CDKL5: variants seen among roughly 807,000 people sequenced by gnomAD.
The protein encoded by CDKL5 is cyclin dependent kinase like 5, also known as cyclin-dependent kinase-like 5.
CDKL5 carries 8 observed loss-of-function variants against 61.7 expected under a neutral mutation model. The observed-to-expected ratio is 0.13, with a 90% CI of 0.08 to 0.23. The LOEUF is 0.23. CDKL5 is among the 10% of genes least tolerant of loss of function. The pLI is 1.00. For missense variants in CDKL5, 440 were observed against 734.5 expected (o/e 0.60, Z 4.63); for synonymous variants, 275 against 272.3 (o/e 1.01, Z -0.10).
rs761152294 is a variant in CDKL5 at position 18,590,158 on chromosome X, A to C, written c.744+2015A>C. Among the ~76,000 whole-genome samples the C allele has an allele frequency of 7.2e-5, 8 of 111,216 alleles. No individual in the cohort carries two copies. In the South Asian group the frequency reaches 2.3e-3, roughly 32 times the overall value. ...TTAGTTTAATTAGATCCCATTTGTC[A>C]ATTTTGGCTTTTGTTGCCATTGCTT... is the stretch of plus-strand genomic sequence containing the variant. On this transcript the variant is annotated intron_variant, in intron 9 of 17. Transcript: ENST00000623535.
intron 3 of CDKL5, among the ~76,000 whole-genome samples, chrX:18,543,541 A>G (rs895018613): frequency 2.7e-5 from 3 of 111,253 alleles, no homozygotes; most frequent in Non-Finnish European, 5.7e-5. Flanking sequence ...GACCAGAATG[A>G]GAAGTCTGTG....
chrX:18,609,711 C>T, intron 14 of CDKL5, 141 bp downstream of exon 14: 6 of 1,049,502 alleles, frequency 5.7e-6, no homozygotes, highest in Middle Eastern at 3.8e-4. Flanking sequence ...TCTGCTCCTG[C>T]TAAGTCAGGC....
chrX:18,444,641 A>T (rs1335481676), intron 1 of CDKL5, among the ~76,000 whole-genome samples: 1 of 112,215 alleles, frequency 8.9e-6, no homozygotes, highest in Non-Finnish European at 1.9e-5. Context: ...AAATTTAAGA[A>T]TTTCTGTTAC....
At chrX:18,565,458 CAG>C (rs759620259) in intron 4 of CDKL5, among the ~76,000 whole-genome samples, 5 of 112,063 alleles carry the variant, frequency 4.5e-5, no homozygotes, top group African/African-American at 1.6e-4. Context: ...ACTAGTAAGT[CAG>C]AGCCTGCTAT....
intron 3 of CDKL5, among the ~76,000 whole-genome samples, chrX:18,525,775 C>T (rs1195015091): frequency 9.6e-4 from 89 of 92,560 alleles, no homozygotes; most frequent in African/African-American, 3.4e-3. Flanking sequence ...TAATTGGAGT[C>T]TCACTCTGTT....
At chrX:18,447,855 CTTTT>C (rs1397529973) in intron 1 of CDKL5, among the ~76,000 whole-genome samples, 3 of 102,367 alleles carry the variant, frequency 2.9e-5, no homozygotes, top group African/African-American at 1.1e-4. Context: ...TTTTTTTTTT[CTTTT>C]TGAGACAGGG....
chrX:18,515,823 G>C (rs1344185154), intron 3 of CDKL5, among the ~76,000 whole-genome samples: 1 of 111,377 alleles, frequency 9.0e-6, no homozygotes, highest in African/African-American at 3.3e-5. Context: ...TACACATGAG[G>C]AGACTGAGTC....
rs1233319916 is a variant in CDKL5 at position 18,636,250 on chromosome X, C to G, written c.*7493C>G. ...CCTGTGCTTTCAACTATAATCTTAC[C>G]AAGACTGAATGAAAGTATTTGGTGC... On this transcript the variant is annotated 3_prime_UTR_variant, in exon 18 of 18. Transcript: ENST00000623535. The G allele has an allele frequency of 9.1e-6, 1 of 110,294 alleles. No homozygotes were observed. Among genetic ancestry groups the G allele is most frequent in the Admixed American group, 9.7e-5 (1 of 10,281 alleles). 9.1% of individuals were successfully genotyped at this position (110,294 alleles called of 1,213,427 possible).
At chrX:18,596,102 T>G (rs1285411367) in intron 10 of CDKL5, among the ~76,000 whole-genome samples, 2 of 112,340 alleles carry the variant, frequency 1.8e-5, no homozygotes, top group Non-Finnish European at 3.8e-5. Context: ...AAGCAAGTGT[T>G]GGTTGTTTGA....
intron 3 of CDKL5, among the ~76,000 whole-genome samples, chrX:18,547,507 C>CA (rs766556045): frequency 2.8e-4 from 31 of 112,441 alleles, no homozygotes; most frequent in Non-Finnish European, 4.1e-4. Flanking sequence ...TTCTTGACAT[C>CA]AAGTAACCAG....
chrX:18,580,810 G>A (rs1925454745), intron 6 of CDKL5, among the ~76,000 whole-genome samples: 1 of 111,896 alleles, frequency 8.9e-6, no homozygotes, highest in Non-Finnish European at 1.9e-5. Flanking sequence ...AAATGCACAA[G>A]GATATCACTT....
intron 3 of CDKL5, among the ~76,000 whole-genome samples, chrX:18,511,521 C>T (rs1032350126): frequency 9.0e-6 from 1 of 111,025 alleles, no homozygotes; most frequent in African/African-American, 3.3e-5. Flanking sequence ...TTTTCAGATA[C>T]ACAAATACTT....
rs912947852 is a variant in CDKL5 at position 18,639,859 on chromosome X, C to T, written c.*11102C>T. The T allele has an allele frequency of 3.6e-5, 4 of 111,808 alleles. No individual in the cohort carries two copies. The highest frequency in any genetic ancestry group is 7.5e-5 in the Non-Finnish European group (4 of 53,185). 9.2% of individuals were successfully genotyped at this position (111,808 alleles called of 1,213,427 possible). On this transcript the variant is annotated 3_prime_UTR_variant, in exon 18 of 18. Coordinates refer to ENST00000623535, the MANE Select transcript of CDKL5 (RefSeq NM_001323289.2). Reference sequence around the variant, plus strand: ...TGACATAGTGATACACATGTTATAACGTGGATGAACTTTAAAACACTATGC... The same window carrying T: ...TGACATAGTGATACACATGTTATAATGTGGATGAACTTTAAAACACTATGC...
chrX:18,560,181 A>G (rs192419527), intron 3 of CDKL5, among the ~76,000 whole-genome samples: 220 of 111,379 alleles, frequency 2.0e-3, no homozygotes, highest in African/African-American at 7.0e-3. Flanking sequence ...TGGTATTTCT[A>G]GTTCTAGATC....
At chrX:18,554,129 A>G (rs1180565343) in intron 3 of CDKL5, among the ~76,000 whole-genome samples, 5 of 106,197 alleles carry the variant, frequency 4.7e-5, no homozygotes, top group Non-Finnish European at 9.7e-5. Context: ...GGTTTGTTAC[A>G]TATGTATACA....
At chrX:18,554,272 G>A (rs1433123457) in intron 3 of CDKL5, among the ~76,000 whole-genome samples, 1 of 104,021 alleles carries the variant, frequency 9.6e-6, no homozygotes, top group African/African-American at 3.5e-5. Flanking sequence ...GTGTCCAAGT[G>A]TTCTCATTTT....
intron 1 of CDKL5, among the ~76,000 whole-genome samples, chrX:18,432,920 A>G (rs1245835347): frequency 8.9e-6 from 1 of 112,282 alleles, no homozygotes; most frequent in Admixed American, 9.4e-5. Context: ...GGTCTAAAAG[A>G]TGTCCTTAAA....
intron 5 of CDKL5, among the ~76,000 whole-genome samples, chrX:18,576,673 C>T (rs1310484190): frequency 1.8e-5 from 2 of 110,179 alleles, no homozygotes; most frequent in Non-Finnish European, 3.8e-5. Context: ...AAAACTGGAA[C>T]GGTACTAGCA....
At chrX:18,458,188 G>A (rs1047794629) in intron 1 of CDKL5, among the ~76,000 whole-genome samples, 1 of 110,323 alleles carries the variant, frequency 9.1e-6, no homozygotes, top group East Asian at 2.9e-4. Flanking sequence ...CTCCCAAAGT[G>A]CTGGGATTAC....
Sources: allele counts gnomAD v4.1 joint callset (sites outside exome capture counted in the v4.1 genomes callset), GRCh38; gene constraint gnomAD v4.1.1; transcripts MANE v1.5; gene names NCBI Gene and HGNC (gene_info 2026-07-23, HGNC 2026-07-21).